The following LUZP2 variants were observed in gnomAD, a reference collection of about 807,000 sequenced individuals.
LUZP2 encodes leucine zipper protein 2.
LUZP2 carries 52 observed loss-of-function variants against 51.6 expected under a neutral mutation model. The ratio of observed to expected loss-of-function variants is 1.01; its 90% CI spans 0.81 to 1.27. The LOEUF is 1.27. LUZP2 is among the 50% of genes most tolerant of loss of function. The probability of loss-of-function intolerance (pLI) is 0.00; values close to 1 mark genes in which losing one functional copy is unlikely to be tolerated. For synonymous variants in LUZP2, 154 were observed against 137.3 expected (o/e 1.12, Z -0.85); for missense variants, 436 against 395.4 (o/e 1.10, Z -0.87).
At chr11:25,024,413 A>C (rs1197428529) in intron 9 of LUZP2, among the ~76,000 whole-genome samples, 1 of 152,008 alleles carries the variant, frequency 6.6e-6, no homozygotes, top group African/African-American at 2.4e-5. Flanking sequence ...GTCTCAGCCC[A>C]AAATCCCCTG....
intron 9 of LUZP2, among the ~76,000 whole-genome samples, chr11:25,046,597 A>T (rs1025910088): frequency 1.3e-5 from 2 of 152,142 alleles, no homozygotes; most frequent in African/African-American, 4.8e-5. Flanking sequence ...TGAAACAATG[A>T]ATAACACACA....
rs1264445279 is a variant in LUZP2 at position 25,081,604 on chromosome 11, A to G, written c.*2946A>G. The G allele has an allele frequency of 6.6e-6, 1 of 152,146 alleles. No individual in the cohort carries two copies. The highest frequency in any genetic ancestry group is 6.6e-5 in the Admixed American group (1 of 15,266). The allele number at this position is 152,146 out of a possible 1,614,324, so 9.4% of individuals were successfully genotyped here. On this transcript the variant is annotated 3_prime_UTR_variant, in exon 12 of 12. Coordinates refer to ENST00000336930, the MANE Select transcript of LUZP2 (RefSeq NM_001009909.4). Reference sequence around the variant, plus strand: ...GATAAGTTTAAAATGTTCCTCTTACATTTGTGAATGTGTCTATGAGAGAGG... The same window carrying G: ...GATAAGTTTAAAATGTTCCTCTTACGTTTGTGAATGTGTCTATGAGAGAGG...
In LUZP2 at chr11:24,826,741, A is replaced by G. The variant is rs1850555344; in HGVS notation, c.396+63433A>G. 2.0e-5 allele frequency among the ~76,000 whole-genome samples: 3 copies of G among 152,184 alleles called. No individual in the cohort carries two copies. In the South Asian group the frequency reaches 6.2e-4, roughly 31 times the overall value. On this transcript the variant is annotated intron_variant, in intron 5 of 11. Coordinates refer to ENST00000336930, the MANE Select transcript of LUZP2 (RefSeq NM_001009909.4). ...ACTGCAGTGAATAGACCCAACTCTT[A>G]AATAATTGAACAGTAAAATCATTCT...
At chr11:24,790,828 G>A (rs113006566) in intron 5 of LUZP2, among the ~76,000 whole-genome samples, 470 of 152,136 alleles carry the variant, frequency 3.1e-3, no homozygotes, top group African/African-American at 0.011. Context: ...GTCTTTGTTA[G>A]ATATTTCTTA....
intron 7 of LUZP2, among the ~76,000 whole-genome samples, chr11:24,939,311 A>AT (rs919735746): frequency 6.6e-6 from 1 of 152,030 alleles, no homozygotes. Context: ...TGAATGACAA[A>AT]TTTTCAGATC....
At chr11:24,752,519 G>A (rs895433875) in intron 4 of LUZP2, among the ~76,000 whole-genome samples, 9 of 152,154 alleles carry the variant, frequency 5.9e-5, no homozygotes, top group Non-Finnish European at 8.8e-5. Context: ...CAAATACCTT[G>A]GCCAATTTAG....
At chr11:24,695,931 G>A (rs1295101500) in intron 1 of LUZP2, among the ~76,000 whole-genome samples, 2 of 151,874 alleles carry the variant, frequency 1.3e-5, no homozygotes, top group Middle Eastern at 3.2e-3. Context: ...GGAAAATAAG[G>A]CATTTAAGAT....
chr11:25,076,701 G>C (rs903981203), intron 10 of LUZP2, among the ~76,000 whole-genome samples: 13 of 149,604 alleles, frequency 8.7e-5, no homozygotes, highest in African/African-American at 2.9e-4. Flanking sequence ...TTTTAACCCT[G>C]GTTAAAATAG....
intron 7 of LUZP2, among the ~76,000 whole-genome samples, chr11:24,975,643 G>C (rs1032660843): frequency 6.6e-6 from 1 of 152,040 alleles, no homozygotes; most frequent in African/African-American, 2.4e-5. Context: ...TTTGAACCTG[G>C]CTATTATGGT....
At chr11:24,962,269 C>T (rs1489799126) in intron 7 of LUZP2, among the ~76,000 whole-genome samples, 1 of 152,166 alleles carries the variant, frequency 6.6e-6, no homozygotes, top group Non-Finnish European at 1.5e-5. Flanking sequence ...ACTCCTACTT[C>T]TTTGTGGCAT....
At chr11:24,666,648 T>G (rs1247464680) in intron 1 of LUZP2, among the ~76,000 whole-genome samples, 1 of 152,186 alleles carries the variant, frequency 6.6e-6, no homozygotes, top group African/African-American at 2.4e-5. Flanking sequence ...TAATTGGATC[T>G]TTTTTCTCAC....
chr11:24,746,820 T>C (rs1176899694), intron 4 of LUZP2, among the ~76,000 whole-genome samples: 1 of 152,206 alleles, frequency 6.6e-6, no homozygotes, highest in Admixed American at 6.5e-5. Context: ...TCTGGATTTC[T>C]TTCTTCTACG....
Position 24,562,699 on chromosome 11 carries a change from C to CAAAA in LUZP2, c.62+65404_62+65407dup, listed in dbSNP as rs10692762. 8.7e-3 allele frequency among the ~76,000 whole-genome samples: 1,208 copies of CAAAA among 138,792 alleles called. 19 individuals are homozygous for CAAAA. Among genetic ancestry groups the CAAAA allele is most frequent in the Admixed American group, 0.04 (553 of 13,750 alleles). The allele number at this position is 138,792 out of a possible 152,430, so 91.1% of individuals were successfully genotyped here. A position where few individuals can be genotyped will look rare whatever the true frequency, so the allele number is the denominator to read the frequency against. On this transcript the variant is annotated intron_variant, in intron 1 of 11. Transcript: ENST00000336930. ...AAACCCCGTCTCTACTGAAAAAATA[C>CAAAA]AAAAAAAAAAAAATTACCTGGGCGT...
intron 4 of LUZP2, among the ~76,000 whole-genome samples, chr11:24,745,542 G>C (rs116966213): frequency 6.6e-6 from 1 of 151,964 alleles, no homozygotes; most frequent in African/African-American, 2.4e-5. Flanking sequence ...CTTGCTTTTC[G>C]TGTCCATTTT....
At chr11:24,928,325 G>A (rs768167039) in intron 7 of LUZP2, among the ~76,000 whole-genome samples, 6 of 152,050 alleles carry the variant, frequency 3.9e-5, no homozygotes, top group Non-Finnish European at 7.4e-5. Context: ...GTTCTCAGGA[G>A]GAATGCTTTC....
At position 25,080,136 on chromosome 11, in the gene LUZP2, A is replaced by G. The variant is rs967979839; in HGVS notation, c.*1478A>G. 2.6e-5 allele frequency: 4 copies of G among 152,214 alleles called. No homozygotes were observed. The highest frequency in any genetic ancestry group is 7.2e-5 in the African/African-American group (3 of 41,460). The allele number at this position is 152,214 out of a possible 1,614,324, so 9.4% of individuals were successfully genotyped here. A position where few individuals can be genotyped will look rare whatever the true frequency, so the allele number is the denominator to read the frequency against. On this transcript the variant is annotated 3_prime_UTR_variant, in exon 12 of 12. Transcript: ENST00000336930. ...GGCAGGTCCCAACCACAATGGTTCAACTTAACGGTTTTTTCATGATTCTGT... is the reference window on the plus strand; with the variant it reads ...GGCAGGTCCCAACCACAATGGTTCAGCTTAACGGTTTTTTCATGATTCTGT...
intron 5 of LUZP2, among the ~76,000 whole-genome samples, chr11:24,864,655 A>C (rs1283330660): frequency 6.6e-6 from 1 of 152,186 alleles, no homozygotes; most frequent in Non-Finnish European, 1.5e-5. Flanking sequence ...TTAGTGAAAA[A>C]GAACAAAGGC....
intron 5 of LUZP2, among the ~76,000 whole-genome samples, chr11:24,850,197 C>A (rs185973303): frequency 6.6e-6 from 1 of 152,118 alleles, no homozygotes; most frequent in African/African-American, 2.4e-5. Flanking sequence ...AAGTCATTGC[C>A]CATGCCTATG....
chr11:24,622,138 T>C (rs895453418), intron 1 of LUZP2, among the ~76,000 whole-genome samples: 19 of 151,664 alleles, frequency 1.3e-4, no homozygotes, highest in African/African-American at 1.9e-4. Flanking sequence ...TTAATGTTAT[T>C]ATTATTATAC....
Sources: gnomAD v4.1 joint callset for allele counts (sites outside exome capture counted in the v4.1 genomes callset) on GRCh38, gnomAD v4.1.1 for gene constraint, MANE v1.5 for transcripts, NCBI Gene and HGNC (gene_info 2026-07-23, HGNC 2026-07-21) for gene names.